The following PEX5L variants were observed in gnomAD, a reference collection of about 807,000 sequenced individuals.
PEX5L encodes PEX5-related protein.
A neutral mutation model predicts 84.0 loss-of-function variants in PEX5L; 30 were observed. The ratio of observed to expected loss-of-function variants is 0.36; its 90% CI spans 0.27 to 0.48. PEX5L has a LOEUF of 0.48. PEX5L is among the 20% of genes least tolerant of loss of function. The pLI, the probability that PEX5L is intolerant of heterozygous loss-of-function variation, is 0.99. For synonymous variants in PEX5L, 270 were observed against 283.1 expected (o/e 0.95, Z 0.46); for missense variants, 533 against 754.6 (o/e 0.71, Z 3.44).
Position 179,809,670 on chromosome 3 carries a change from T to TTA in PEX5L, c.1155-3_1155-2insTA, listed in dbSNP as rs760368234. ...TTGTTGGGCTGTAATTCTAAGCACC[T>TTA]GAAAAAAAAAAAGAAGCCAATTTCA... is the stretch of plus-strand genomic sequence containing the variant. On this transcript the variant is annotated splice_region_variant and splice_polypyrimidine_tract_variant and intron_variant, in intron 11 of 14. Coordinates refer to ENST00000467460, the MANE Select transcript of PEX5L (RefSeq NM_016559.3). The TTA allele has an allele frequency of 7.3e-7, 1 of 1,370,682 alleles. No homozygotes were observed. Among genetic ancestry groups the TTA allele is most frequent in the Non-Finnish European group, 9.4e-7 (1 of 1,059,556 alleles). 84.9% of individuals were successfully genotyped at this position (1,370,682 alleles called of 1,614,324 possible).
chr3:179,950,216 C>T (rs1019773614), intron 2 of PEX5L, among the ~76,000 whole-genome samples: 5 of 152,168 alleles, frequency 3.3e-5, no homozygotes, highest in African/African-American at 1.2e-4. Context: ...GTCACACTTG[C>T]TAGGCAATTG....
chr3:179,948,659 G>C, intron 2 of PEX5L, among the ~76,000 whole-genome samples: 1 of 151,996 alleles, frequency 6.6e-6, no homozygotes, highest in Non-Finnish European at 1.5e-5. Flanking sequence ...TTCAAAACTG[G>C]GTAGGTGCAT....
At chr3:179,818,847 T>C (rs1198346420) in intron 9 of PEX5L, among the ~76,000 whole-genome samples, 1 of 109,432 alleles carries the variant, frequency 9.1e-6, no homozygotes, top group African/African-American at 3.1e-5. Flanking sequence ...TCTTTTCTTT[T>C]CTTTTTTTTT....
rs570958552 is a variant in PEX5L, at chr3:179,894,854, C to T, written c.198+3288G>A. Reference sequence around the variant, plus strand: ...AACAGGCAAAGATAAATGGGCTATACCTTGCTAAAAAAGTATCTAGGAGAT... The same window carrying T: ...AACAGGCAAAGATAAATGGGCTATATCTTGCTAAAAAAGTATCTAGGAGAT... On this transcript the variant is annotated intron_variant, in intron 3 of 14. Transcript: ENST00000467460. Among the ~76,000 whole-genome samples, 385 of 152,076 alleles carry T rather than the reference C, an allele frequency of 2.5e-3. 1 individual carries two copies. The highest frequency in any genetic ancestry group is 8.7e-3 in the African/African-American group (362 of 41,484).
chr3:180,031,918 T>G (rs1791501230), intron 1 of PEX5L, among the ~76,000 whole-genome samples: 1 of 134,290 alleles, frequency 7.4e-6, no homozygotes, highest in Admixed American at 6.8e-5. Flanking sequence ...TATGATGAAA[T>G]TTTTACTTTC....
intron 1 of PEX5L, among the ~76,000 whole-genome samples, chr3:179,990,424 G>T (rs1787274341): frequency 6.6e-6 from 1 of 151,542 alleles, no homozygotes; most frequent in Non-Finnish European, 1.5e-5. Flanking sequence ...TCAGTGATAG[G>T]GTCTTGCTCT....
At position 179,997,545 on chromosome 3, in the gene PEX5L, TCAC is replaced by T. The variant is rs1452290582; in HGVS notation, c.22-25883_22-25881del. 4.6e-5 allele frequency among the ~76,000 whole-genome samples: 7 copies of T among 152,202 alleles called. No individual in the cohort carries two copies. The East Asian group carries it at 1.4e-3, about 29-fold the overall frequency. ...GAAAAATAGCAAATCAAAAACAATA[TCAC>T]ATCCCTGGAGGGGTTGCAGAGATTA... On this transcript the variant is annotated intron_variant, in intron 1 of 14. Coordinates refer to ENST00000467460, the MANE Select transcript of PEX5L (RefSeq NM_016559.3).
At chr3:179,860,654 T>C (rs1301499084) in intron 7 of PEX5L, among the ~76,000 whole-genome samples, 1 of 152,216 alleles carries the variant, frequency 6.6e-6, no homozygotes, top group Non-Finnish European at 1.5e-5. Flanking sequence ...CCATTGTTGG[T>C]CCTGAAGGGG....
chr3:179,875,094 A>G (rs1437370656), intron 6 of PEX5L, among the ~76,000 whole-genome samples: 1 of 152,060 alleles, frequency 6.6e-6, no homozygotes, highest in Non-Finnish European at 1.5e-5. Flanking sequence ...ACTAATTAGC[A>G]CAGTTACACA....
chr3:179,926,605 C>T (rs552968236), intron 2 of PEX5L, among the ~76,000 whole-genome samples: 6 of 152,166 alleles, frequency 3.9e-5, no homozygotes, highest in Non-Finnish European at 4.4e-5. Flanking sequence ...CCCTTTATCT[C>T]GTGCTAATTC....
intron 10 of PEX5L, among the ~76,000 whole-genome samples, chr3:179,815,446 G>A (rs1369016420): frequency 2.0e-5 from 3 of 152,212 alleles, no homozygotes; most frequent in South Asian, 2.1e-4. Context: ...TTAGCTGGGC[G>A]TGGTGACAGG....
intron 2 of PEX5L, among the ~76,000 whole-genome samples, chr3:179,960,943 T>A (rs1430415121): frequency 6.6e-6 from 1 of 152,208 alleles, no homozygotes; most frequent in East Asian, 1.9e-4. Context: ...ACTTCTATGC[T>A]TAGTGTTTTT....
intron 1 of PEX5L, among the ~76,000 whole-genome samples, chr3:180,021,452 T>G (rs1790420254): frequency 6.6e-6 from 1 of 152,142 alleles, no homozygotes; most frequent in South Asian, 2.1e-4. Flanking sequence ...AGGGCTGCAG[T>G]GGGGTCCAGG....
chr3:180,030,323 C>A lies in PEX5L; in HGVS notation c.21+6256G>T, dbSNP rs73059371. 2.0e-5 allele frequency among the ~76,000 whole-genome samples: 3 copies of A among 152,132 alleles called. No homozygotes were observed. The South Asian group carries it at 6.2e-4, about 31-fold the overall frequency. ...CACCCATATCTCTCCCTTCACCCTA[C>A]GCCTCTTCCATCTCCAAGAGGGCAT... On this transcript the variant is annotated intron_variant, in intron 1 of 14. Transcript: ENST00000467460.
chr3:179,949,945 C>T (rs1778627786), intron 2 of PEX5L, among the ~76,000 whole-genome samples: 1 of 152,210 alleles, frequency 6.6e-6, no homozygotes, highest in African/African-American at 2.4e-5. Flanking sequence ...ACTCTGTCCT[C>T]ATCTTGGCTG....
intron 1 of PEX5L, among the ~76,000 whole-genome samples, chr3:179,977,218 C>A (rs1283621892): frequency 6.6e-6 from 1 of 152,120 alleles, no homozygotes; most frequent in Non-Finnish European, 1.5e-5. Context: ...AACATTGCCA[C>A]AGAAAATACT....
At chr3:179,842,876 G>A (rs1175717036) in intron 8 of PEX5L, among the ~76,000 whole-genome samples, 1 of 152,010 alleles carries the variant, frequency 6.6e-6, no homozygotes, top group Admixed American at 6.6e-5. Context: ...ACTTGGAAAG[G>A]GACTTGTTAG....
intron 14 of PEX5L, chr3:179,804,122 G>T (rs1720205276): frequency 6.6e-6 from 1 of 152,092 alleles, no homozygotes; most frequent in Non-Finnish European, 1.5e-5. Flanking sequence ...TGGTTTCAGA[G>T]GGATTTGGAG....
chr3:180,006,116 A>G (rs1788865598), intron 1 of PEX5L, among the ~76,000 whole-genome samples: 2 of 152,172 alleles, frequency 1.3e-5, no homozygotes, highest in South Asian at 4.1e-4. Flanking sequence ...TAATGTATTC[A>G]TTGTTCTCAG....
Sources: allele counts gnomAD v4.1 joint callset (sites outside exome capture counted in the v4.1 genomes callset), GRCh38; gene constraint gnomAD v4.1.1; transcripts MANE v1.5; gene names NCBI Gene and HGNC (gene_info 2026-07-23, HGNC 2026-07-21).